Variants in SHQ1 observed in about 807,000 individuals in gnomAD.
SHQ1 encodes SHQ1, H/ACA ribonucleoprotein assembly factor.
In SHQ1, 49 loss-of-function variants were observed where a neutral mutation model predicts 53.8. The ratio of observed to expected loss-of-function variants is 0.91; its 90% CI spans 0.72 to 1.16. The LOEUF (loss-of-function observed/expected upper bound fraction) is 1.16, where lower values mean the gene tolerates loss of function less well. SHQ1 is among the 50% of genes most tolerant of loss of function. SHQ1 has a pLI of 0.00. For synonymous variants in SHQ1, 243 were observed against 251.0 expected (o/e 0.97, Z 0.30); for missense variants, 738 against 683.1 (o/e 1.08, Z -0.90).
intron 9 of SHQ1, among the ~76,000 whole-genome samples, chr3:72,807,167 G>C (rs1482291829): frequency 6.6e-6 from 1 of 152,162 alleles, no homozygotes; most frequent in Non-Finnish European, 1.5e-5. Context: ...ATAAGGCAGA[G>C]GCTCCCACAG....
At chr3:72,768,492 G>C (rs1214465517) in intron 10 of SHQ1, among the ~76,000 whole-genome samples, 1 of 152,194 alleles carries the variant, frequency 6.6e-6, no homozygotes, top group Non-Finnish European at 1.5e-5. Flanking sequence ...CGGTTTTACA[G>C]GTTTTTACTA....
the SHQ1 span, among the ~76,000 whole-genome samples, chr3:72,740,734 T>G: frequency 2.0e-5 from 3 of 152,134 alleles, no homozygotes; most frequent in Non-Finnish European, 4.4e-5. Context: ...AGTGTGTGAA[T>G]GTTCATTTCA....
At chr3:72,753,090 C>G in intron 10 of SHQ1, 1 of 985,412 alleles carries the variant, frequency 1.0e-6, no homozygotes, top group Non-Finnish European at 1.2e-6. Flanking sequence ...CAACATGACA[C>G]AAACTGGCAT....
At chr3:72,844,259 G>A in intron 2 of SHQ1, 100 bp downstream of exon 2, 1 of 943,492 alleles carries the variant, frequency 1.1e-6, no homozygotes. Context: ...GATTGTATTT[G>A]AAAGACATCA....
At chr3:72,774,524 C>G (rs1366607627) in intron 10 of SHQ1, among the ~76,000 whole-genome samples, 1 of 152,106 alleles carries the variant, frequency 6.6e-6, no homozygotes, top group Non-Finnish European at 1.5e-5. Flanking sequence ...ACAACAAAAA[C>G]TTTTCTATAA....
downstream of SHQ1, among the ~76,000 whole-genome samples, chr3:72,748,728 A>G (rs1221960259): frequency 6.6e-6 from 1 of 152,012 alleles, no homozygotes; most frequent in African/African-American, 2.4e-5. Flanking sequence ...AAAACACACA[A>G]AACAAAACCA....
intron 10 of SHQ1, among the ~76,000 whole-genome samples, chr3:72,756,514 G>C (rs1705499457): frequency 6.6e-6 from 1 of 152,194 alleles, no homozygotes; most frequent in African/African-American, 2.4e-5. Context: ...TGACCTCACA[G>C]TGATCCACCC....
At position 72,827,310 on chromosome 3, in the gene SHQ1, C is replaced by G. The variant is rs80102220; in HGVS notation, c.600-2759G>C. 5.5e-3 allele frequency among the ~76,000 whole-genome samples: 838 copies of G among 152,086 alleles called. 10 individuals carry two copies. Among genetic ancestry groups the G allele is most frequent in the African/African-American group, 0.02 (809 of 41,474 alleles). ...GGACATACAAGTCTGATGCTCAAGA[C>G]AGAGATATGAGAGTCATAAGCATTT... is the stretch of plus-strand genomic sequence containing the variant. On this transcript the variant is annotated intron_variant, in intron 5 of 10. Coordinates refer to ENST00000325599, the MANE Select transcript of SHQ1 (RefSeq NM_018130.3).
intron 4 of SHQ1, among the ~76,000 whole-genome samples, chr3:72,836,367 T>C (rs1238044493): frequency 6.6e-6 from 1 of 152,090 alleles, no homozygotes; most frequent in Non-Finnish European, 1.5e-5. Flanking sequence ...CGGGCACCTG[T>C]AGTCCCAGCT....
chr3:72,782,097 T>C (rs1304869148), intron 10 of SHQ1, among the ~76,000 whole-genome samples: 1 of 152,106 alleles, frequency 6.6e-6, no homozygotes, highest in Non-Finnish European at 1.5e-5. Context: ...TTCATGAAAG[T>C]CCTAATTTAT....
At chr3:72,753,316 T>C in intron 10 of SHQ1, 4 of 985,412 alleles carry the variant, frequency 4.1e-6, no homozygotes, top group Non-Finnish European at 4.8e-6. Context: ...GTCCATCCCA[T>C]AATATCAGGA....
At chr3:72,828,166 A>G (rs1707718846) in intron 5 of SHQ1, among the ~76,000 whole-genome samples, 1 of 152,214 alleles carries the variant, frequency 6.6e-6, no homozygotes, top group African/African-American at 2.4e-5. Context: ...TAAGGACTCC[A>G]CAATTTAAGG....
chr3:72,841,989 G>C (rs574273745), intron 3 of SHQ1, among the ~76,000 whole-genome samples: 1 of 152,132 alleles, frequency 6.6e-6, no homozygotes, highest in Non-Finnish European at 1.5e-5. Flanking sequence ...CCTGTTTTAC[G>C]TAACTCACTT....
At chr3:72,753,351 C>T in intron 10 of SHQ1, 1 of 985,418 alleles carries the variant, frequency 1.0e-6, no homozygotes, top group Non-Finnish European at 1.2e-6. Context: ...TTCAGTGGAG[C>T]TGATGGTACA....
intron 9 of SHQ1, chr3:72,793,548 T>C (rs1706511888): frequency 6.6e-6 from 1 of 151,966 alleles, no homozygotes; most frequent in South Asian, 2.1e-4. Flanking sequence ...ATCTTTATAT[T>C]CTGTTGTTAC....
chr3:72,825,365 C>T (rs1220352510), intron 5 of SHQ1, among the ~76,000 whole-genome samples: 2 of 143,384 alleles, frequency 1.4e-5, no homozygotes, highest in South Asian at 2.1e-4. Context: ...AGGGGCTACA[C>T]ACACACACAC....
intron 10 of SHQ1, among the ~76,000 whole-genome samples, chr3:72,761,007 C>T (rs1313632861): frequency 6.6e-6 from 1 of 152,120 alleles, no homozygotes; most frequent in Non-Finnish European, 1.5e-5. Flanking sequence ...ACGATTCCAA[C>T]GATTCAACAA....
chr3:72,773,432 C>A, intron 10 of SHQ1: 1 of 406,848 alleles, frequency 2.5e-6, no homozygotes, highest in South Asian at 2.1e-5. Context: ...AAATCCCCAT[C>A]ACCAAAATCG....
intron 10 of SHQ1, among the ~76,000 whole-genome samples, chr3:72,785,686 A>C (rs1428122478): frequency 6.6e-6 from 1 of 152,226 alleles, no homozygotes; most frequent in African/African-American, 2.4e-5. Context: ...AGCTAGAACA[A>C]GAAAATTTGT....
Sources: gnomAD v4.1 joint callset for allele counts (sites outside exome capture counted in the v4.1 genomes callset) on GRCh38, gnomAD v4.1.1 for gene constraint, MANE v1.5 for transcripts, NCBI Gene and HGNC (gene_info 2026-07-23, HGNC 2026-07-21) for gene names.